The following MYF5 variants were observed in gnomAD, a reference collection of about 807,000 sequenced individuals.
MYF5 encodes myogenic factor 5.
MYF5 carries 20 observed loss-of-function variants against 22.3 expected under a neutral mutation model. The ratio of observed to expected loss-of-function variants is 0.90; its 90% confidence interval spans 0.63 to 1.30. The LOEUF (loss-of-function observed/expected upper bound fraction) is 1.30, where lower values mean the gene tolerates loss of function less well. Among genes scored for constraint, MYF5 ranks in the 50% most tolerant of loss-of-function variants. The pLI, the probability that MYF5 is intolerant of heterozygous loss-of-function variation, is 0.00. For missense variants in MYF5, 348 were observed against 325.9 expected (o/e 1.07, Z -0.52); for synonymous variants, 141 against 128.4 (o/e 1.10, Z -0.66).
Position 80,716,950 on chromosome 12 carries a change from A to G in MYF5, c.-114A>G, listed in dbSNP as rs969343879. ...GGCGTCTGCCCTTGTTAATTACCGGAGCGACAGACTAGGGAGCTCCGCCCG... is the reference window on the plus strand; with the variant it reads ...GGCGTCTGCCCTTGTTAATTACCGGGGCGACAGACTAGGGAGCTCCGCCCG... On this transcript the variant is annotated 5_prime_UTR_variant, in exon 1 of 3. Coordinates refer to ENST00000228644, the MANE Select transcript of MYF5 (RefSeq NM_005593.3). 5.4e-6 allele frequency: 7 copies of G among 1,304,630 alleles called. No homozygotes were observed. The Admixed American group carries it at 1.4e-4, about 26-fold the overall frequency. 80.8% of individuals were successfully genotyped at this position (1,304,630 alleles called of 1,614,324 possible). A position where few individuals can be genotyped will look rare whatever the true frequency, so the allele number is the denominator to read the frequency against.
At chr12:80,718,306 C>T (rs971019969) in intron 1 of MYF5, 52 bp from the exon 2 acceptor site, 19 of 1,471,002 alleles carry the variant, frequency 1.3e-5, no homozygotes, top group Non-Finnish European at 1.7e-5. Flanking sequence ...TTGGTCAGAA[C>T]ATCTTTTGCC....
chr12:80,717,013 C>T lies in MYF5; in HGVS notation c.-51C>T, dbSNP rs1299652872. 3.9e-6 allele frequency: 6 copies of T among 1,548,734 alleles called. No individual in the cohort carries two copies. The South Asian group carries it at 7.2e-5, about 19-fold the overall frequency. Reference sequence around the variant, plus strand: ...CGGCGGAGGCGCCAGGCTCCCGTTTCTCCCCATCCCTCTCGCTGCCGTCCA... The same window carrying T: ...CGGCGGAGGCGCCAGGCTCCCGTTTTTCCCCATCCCTCTCGCTGCCGTCCA... On this transcript the variant is annotated 5_prime_UTR_variant, in exon 1 of 3. Transcript: ENST00000228644.
At position 80,718,998 on chromosome 12, in the gene MYF5, C is replaced by T; in HGVS notation, c.715C>T (p.Gln239Ter). Residue 239 changes from glutamine to a stop codon, truncating the protein, a stop_gained, in exon 3 of 3, where the codon CAG becomes TAG. Coordinates refer to ENST00000228644, the MANE Select transcript of MYF5 (RefSeq NM_005593.3). LOFTEE classifies it high-confidence loss of function. Reference protein sequence around the residue: ...SLSPVASTDSQPATPGASSSR... With the variant: ...SLSPVASTDS ...CTCTCCAGTTGCCAGCACCGATTCA[C>T]AGCCTGCAACTCCAGGGGCTTCTAG... 1 of 1,614,118 alleles carries T rather than the reference C, an allele frequency of 6.2e-7. No homozygotes were observed.
Position 80,718,971 on chromosome 12 carries a change from C to G in MYF5, c.688C>G (p.Leu230Val). Residue 230 changes from leucine (L) to valine (V), a missense_variant, in exon 3 of 3, where the codon CTC (leucine) becomes GTC (valine). Physicochemically the swap from Leu to Val is conservative, Grantham distance 32. Coordinates refer to ENST00000228644, the MANE Select transcript of MYF5 (RefSeq NM_005593.3). ...PGLPLQDLAS[L>V]SPVASTDSQP... is the part of the protein sequence containing the mutation. ...GTTGCCTCTCCAGGATCTGGCTTCT[C>G]TCTCTCCAGTTGCCAGCACCGATTC... 1 of 1,614,146 alleles carries G rather than the reference C, an allele frequency of 6.2e-7. No individual in the cohort carries two copies. Among genetic ancestry groups the G allele is most frequent in the Non-Finnish European group, 8.5e-7 (1 of 1,180,022 alleles).
rs1364582387 is a variant in MYF5, at chr12:80,717,557, A to G, written c.494A>G (p.Asp165Gly). The change falls in exon 1 of 3, where the codon GAT becomes GGT. Residue 165 changes from aspartate to glycine, a missense_variant. Transcript: ENST00000228644. The stretch of plus-strand genomic sequence containing the variant: ...ACCAGCCCCACCTCCAACTGCTCTG[A>G]TGGCATGGTAAGCAATAGATCTGGT... Reference protein sequence around the residue: ...EPTSPTSNCSDGMPECNSPVW... With the variant: ...EPTSPTSNCSGGMPECNSPVW... The G allele has an allele frequency of 1.2e-6, 2 of 1,613,540 alleles. No homozygotes were observed. Among genetic ancestry groups the G allele is most frequent in the East Asian group, 4.5e-5 (2 of 44,848 alleles).
chr12:80,716,956 A>G lies in MYF5; in HGVS notation c.-108A>G, dbSNP rs1288453222. ...TGCCCTTGTTAATTACCGGAGCGAC[A>G]GACTAGGGAGCTCCGCCCGGGATTT... is the stretch of plus-strand genomic sequence containing the variant. On this transcript the variant is annotated 5_prime_UTR_variant, in exon 1 of 3. Transcript: ENST00000228644. 2.1e-5 allele frequency: 29 copies of G among 1,366,188 alleles called. No individual in the cohort carries two copies. The Middle Eastern group carries it at 1.3e-3, about 60-fold the overall frequency. The allele number at this position is 1,366,188 out of a possible 1,614,324, so 84.6% of individuals were successfully genotyped here.
Position 80,719,160 on chromosome 12 carries a change from C to A in MYF5, c.*109C>A, listed in dbSNP as rs1868686586. ...CAACATGTACATAAAGATTTCTTTT[C>A]AGTTGTAAATTTGTAAAGATTACCT... On this transcript the variant is annotated 3_prime_UTR_variant, in exon 3 of 3. Coordinates refer to ENST00000228644, the MANE Select transcript of MYF5 (RefSeq NM_005593.3). 2.2e-6 allele frequency: 2 copies of A among 904,552 alleles called. No individual in the cohort carries two copies. Among genetic ancestry groups the A allele is most frequent in the Non-Finnish European group, 3.2e-6 (2 of 628,628 alleles). The allele number at this position is 904,552 out of a possible 1,614,324, so 56.0% of individuals were successfully genotyped here. A position where few individuals can be genotyped will look rare whatever the true frequency, so the allele number is the denominator to read the frequency against.
chr12:80,717,374 A>C lies in MYF5; in HGVS notation c.311A>C (p.Glu104Ala). The C allele has an allele frequency of 6.2e-7, 1 of 1,614,186 alleles. No homozygotes were observed. Among genetic ancestry groups the C allele is most frequent in the South Asian group, 1.1e-5 (1 of 91,086 alleles). Residue 104 changes from glutamate to alanine, a missense_variant, in exon 1 of 3, where the codon GAA becomes GCA. Coordinates refer to ENST00000228644, the MANE Select transcript of MYF5 (RefSeq NM_005593.3). The part of the protein sequence containing the change: ...RRLKKVNQAF[E>A]TLKRCTTTNP... ...CTGAAGAAGGTCAACCAGGCTTTCG[A>C]AACCCTCAAGAGGTGTACCACGACC...
chr12:80,717,109 T>A lies in MYF5; in HGVS notation c.46T>A (p.Tyr16Asn). ...GCQFSPSEYF[Y>N]DGSCIPSPEG... ...CCAGTTCTCACCTTCTGAGTACTTC[T>A]ACGACGGCTCCTGCATACCGTCCCC... Residue 16 changes from tyrosine (Y) to asparagine (N), a missense_variant, in exon 1 of 3, where the codon TAC becomes AAC. Physicochemically the swap from Tyr to Asn is moderately radical, Grantham distance 143. Coordinates refer to ENST00000228644, the MANE Select transcript of MYF5 (RefSeq NM_005593.3). 1 of 1,612,298 alleles carries A rather than the reference T, an allele frequency of 6.2e-7. No individual in the cohort carries two copies. Among genetic ancestry groups the A allele is most frequent in the Non-Finnish European group, 8.5e-7 (1 of 1,180,004 alleles).
rs749803913 is a variant in MYF5, at chr12:80,718,459, T to C, written c.577+26T>C. 3.9e-6 allele frequency: 6 copies of C among 1,554,346 alleles called. No individual in the cohort carries two copies. The South Asian group carries it at 6.7e-5, about 17-fold the overall frequency. The stretch of plus-strand genomic sequence containing the variant: ...GTAAGAATTGATAACTTCACAGGAG[T>C]TTAAAGACCAGTTCAACCTAACAAT... On this transcript the variant is annotated intron_variant, in intron 2 of 2. Coordinates refer to ENST00000228644, the MANE Select transcript of MYF5 (RefSeq NM_005593.3).
At chr12:80,718,071 T>C (rs1868651307) in intron 1 of MYF5, among the ~76,000 whole-genome samples, 1 of 152,192 alleles carries the variant, frequency 6.6e-6, no homozygotes, top group Non-Finnish European at 1.5e-5. Flanking sequence ...CCTGAATTAG[T>C]GTGGCTTTCT....
chr12:80,717,222 G>A lies in MYF5; in HGVS notation c.159G>A (p.Glu53=), dbSNP rs371541728. The A allele has an allele frequency of 2.5e-6, 4 of 1,613,952 alleles. No individual in the cohort carries two copies. Among genetic ancestry groups the A allele is most frequent in the African/African-American group, 1.3e-5 (1 of 74,946 alleles). The change falls in exon 1 of 3, where the codon GAG becomes GAA. Residue 53 remains glutamate (E), a synonymous_variant. Transcript: ENST00000228644. ...AGCTGCAGGGCTCAGATGAGGACGA[G>A]CACGTGCGAGCGCCTACCGGCCACC... ...KAELQGSDED[E]HVRAPTGHHQ...
In MYF5 at chr12:80,717,216, G is replaced by A. The variant is rs776544360; in HGVS notation, c.153G>A (p.Glu51=). 13 of 1,613,978 alleles carry A rather than the reference G, an allele frequency of 8.1e-6. No homozygotes were observed. The highest frequency in any genetic ancestry group is 9.3e-6 in the Non-Finnish European group (11 of 1,180,044). The change falls in exon 1 of 3, where the codon GAG becomes GAA. Residue 51 remains glutamate (E), a synonymous_variant. Coordinates refer to ENST00000228644, the MANE Select transcript of MYF5 (RefSeq NM_005593.3). ...AAGCAGAGCTGCAGGGCTCAGATGA[G>A]GACGAGCACGTGCGAGCGCCTACCG... The part of the protein sequence containing the change: ...AHKAELQGSD[E]DEHVRAPTGH...
At chr12:80,718,557 G>T (rs1868664637) in intron 2 of MYF5, 124 bp downstream of exon 2, 2 of 937,792 alleles carry the variant, frequency 2.1e-6, no homozygotes. Context: ...CTTATAGGGA[G>T]GCTTTGGTAA....
In MYF5 at chr12:80,718,973, C is replaced by G; in HGVS notation, c.690C>G (p.Leu230=). ...PGLPLQDLAS[L]SPVASTDSQP... is the part of the protein sequence containing the mutation. ...TGCCTCTCCAGGATCTGGCTTCTCT[C>G]TCTCCAGTTGCCAGCACCGATTCAC... The change falls in exon 3 of 3, where the codon CTC becomes CTG. Residue 230 remains leucine, a synonymous_variant. Coordinates refer to ENST00000228644, the MANE Select transcript of MYF5 (RefSeq NM_005593.3). 1 of 1,614,182 alleles carries G rather than the reference C, an allele frequency of 6.2e-7. No individual in the cohort carries two copies. Among genetic ancestry groups the G allele is most frequent in the Non-Finnish European group, 8.5e-7 (1 of 1,180,030 alleles).
In MYF5 at chr12:80,716,985, C is replaced by CGG; in HGVS notation, c.-79_-78insGG. ...TAGGGAGCTCCGCCCGGGATTTGCC[C>CGG]ATCGGCGGAGGCGCCAGGCTCCCGT... is the stretch of plus-strand genomic sequence containing the variant. On this transcript the variant is annotated 5_prime_UTR_variant, in exon 1 of 3. Coordinates refer to ENST00000228644, the MANE Select transcript of MYF5 (RefSeq NM_005593.3). 1 of 1,517,362 alleles carries CGG rather than the reference C, an allele frequency of 6.6e-7. No homozygotes were observed. Among genetic ancestry groups the CGG allele is most frequent in the Non-Finnish European group, 8.8e-7 (1 of 1,131,942 alleles). 94.0% of individuals were successfully genotyped at this position (1,517,362 alleles called of 1,614,324 possible).
chr12:80,719,265 T>A lies in MYF5; in HGVS notation c.*214T>A. On this transcript the variant is annotated 3_prime_UTR_variant, in exon 3 of 3. Coordinates refer to ENST00000228644, the MANE Select transcript of MYF5 (RefSeq NM_005593.3). ...TTTCTTCTTCTTTATTATTCTTTGC[T>A]TAGATATTAATACATAGTTCCAGTA... 2 of 419,434 alleles carry A rather than the reference T, an allele frequency of 4.8e-6. 1 individual carries two copies. Among genetic ancestry groups the A allele is most frequent in the Non-Finnish European group, 8.5e-6 (2 of 235,222 alleles). The allele number at this position is 419,434 out of a possible 1,614,324, so 26.0% of individuals were successfully genotyped here.
At chr12:80,717,650 G>C in intron 1 of MYF5, 86 bp downstream of exon 1, 1 of 1,489,462 alleles carries the variant, frequency 6.7e-7, no homozygotes, top group Non-Finnish European at 9.1e-7. Context: ...GGTGGGGAGA[G>C]TGGGGTGGAG....
In MYF5 at chr12:80,717,190, A is replaced by G. The variant is rs1868622171; in HGVS notation, c.127A>G (p.Lys43Glu). The G allele has an allele frequency of 8.1e-6, 13 of 1,613,950 alleles. No homozygotes were observed. Among genetic ancestry groups the G allele is most frequent in the Non-Finnish European group, 1.1e-5 (13 of 1,180,038 alleles). Reference sequence around the variant, plus strand: ...GCGAGTGGCTGCCTTCGGAGCGCACAAAGCAGAGCTGCAGGGCTCAGATGA... The same window carrying G: ...GCGAGTGGCTGCCTTCGGAGCGCACGAAGCAGAGCTGCAGGGCTCAGATGA... ...VPRVAAFGAH[K>E]AELQGSDEDE... is the part of the protein sequence containing the mutation. The change falls in exon 1 of 3, where the codon AAA becomes GAA. Residue 43 changes from lysine to glutamate, a missense_variant. Physicochemically the swap from Lys to Glu is moderately conservative, Grantham distance 56. Transcript: ENST00000228644.
Sources: gnomAD v4.1 joint callset for allele counts (sites outside exome capture counted in the v4.1 genomes callset) on GRCh38, gnomAD v4.1.1 for gene constraint, MANE v1.5 for transcripts, NCBI Gene and HGNC (gene_info 2026-07-23, HGNC 2026-07-21) for gene names.